The following SLC25A17 variants were observed in gnomAD, a reference collection of about 807,000 sequenced individuals.
SLC25A17 encodes peroxisomal membrane protein PMP34.
SLC25A17 carries 26 observed loss-of-function variants against 38.5 expected under a neutral mutation model. The observed-to-expected ratio is 0.68, with a 90% CI of 0.50 to 0.94. The LOEUF (loss-of-function observed/expected upper bound fraction) is 0.94. SLC25A17 is among the 40% of genes least tolerant of loss of function. The pLI is 0.00. For missense variants in SLC25A17, 333 were observed against 372.7 expected (o/e 0.89, Z 0.88); for synonymous variants, 139 against 136.2 (o/e 1.02, Z -0.14).
At chr22:40,811,156 C>T (rs2057577066) in intron 1 of SLC25A17, among the ~76,000 whole-genome samples, 1 of 151,922 alleles carries the variant, frequency 6.6e-6, no homozygotes, top group Non-Finnish European at 1.5e-5. Context: ...GTCTTGAATC[C>T]CTCTCTTTAT....
chr22:40,802,269 T>C (rs2057490774), intron 1 of SLC25A17, among the ~76,000 whole-genome samples: 1 of 152,200 alleles, frequency 6.6e-6, no homozygotes, highest in Non-Finnish European at 1.5e-5. Flanking sequence ...TCTGGATATC[T>C]TGAAGTGAAA....
At chr22:40,778,201 T>C (rs2057263864) in intron 5 of SLC25A17, among the ~76,000 whole-genome samples, 1 of 152,130 alleles carries the variant, frequency 6.6e-6, no homozygotes, top group South Asian at 2.1e-4. Flanking sequence ...AACACTAGAA[T>C]AAAAAAGTAT....
At chr22:40,798,841 G>A (rs2057454120) in intron 2 of SLC25A17, among the ~76,000 whole-genome samples, 182 bp downstream of exon 2, 1 of 151,610 alleles carries the variant, frequency 6.6e-6, no homozygotes, top group South Asian at 2.1e-4. Flanking sequence ...TACTTGGGAG[G>A]CGGAGGCAGG....
In SLC25A17 at chr22:40,770,821, A is replaced by G. The variant is rs763923899; in HGVS notation, c.*13T>C. On this transcript the variant is annotated 3_prime_UTR_variant, in exon 9 of 9. Coordinates refer to ENST00000435456, the MANE Select transcript of SLC25A17 (RefSeq NM_006358.4). Reference sequence around the variant, plus strand: ...CTCTTGAGCATCTTCGGAATTTTTCATGGGAAGGCGTCTCAGTGTTGGTGT... The same window carrying G: ...CTCTTGAGCATCTTCGGAATTTTTCGTGGGAAGGCGTCTCAGTGTTGGTGT... 2.5e-6 allele frequency: 4 copies of G among 1,586,648 alleles called. No homozygotes were observed. The highest frequency in any genetic ancestry group is 3.4e-6 in the Non-Finnish European group (4 of 1,162,730).
intron 4 of SLC25A17, among the ~76,000 whole-genome samples, chr22:40,782,768 A>C (rs2145658445): frequency 6.6e-6 from 1 of 152,374 alleles, no homozygotes; most frequent in African/African-American, 2.4e-5. Flanking sequence ...ATTTTGAACT[A>C]TCACAACAAT....
In SLC25A17 at chr22:40,789,602, G is replaced by A. The variant is rs1440802532; in HGVS notation, c.334+2923C>T. ...GCTCACTGCAACCTCTGCCTGCCAGGTTCAAACAATTCTCCTGCCTCAGTC... is the reference window on the plus strand; with the variant it reads ...GCTCACTGCAACCTCTGCCTGCCAGATTCAAACAATTCTCCTGCCTCAGTC... On this transcript the variant is annotated intron_variant, in intron 4 of 8. Transcript: ENST00000435456. This position sits in a 1 kb window ranked among gnomAD's most constrained non-coding sequence, Gnocchi z 4.5. 6.6e-6 allele frequency among the ~76,000 whole-genome samples: 1 copy of A among 151,882 alleles called. No individual in the cohort carries two copies. Among genetic ancestry groups the A allele is most frequent in the Admixed American group, 6.6e-5 (1 of 15,248 alleles).
intron 3 of SLC25A17, among the ~76,000 whole-genome samples, chr22:40,792,986 G>C (rs954382718): frequency 6.6e-6 from 1 of 151,778 alleles, no homozygotes; most frequent in African/African-American, 2.4e-5. Context: ...TTAGTTAATA[G>C]AGTACCATTC....
rs200166980 is a variant in SLC25A17 at position 40,804,475 on chromosome 22, T to TA, written c.55-5393dup. ...TGATTAGTGATGTTGAGCTTTTTTT[T>TA]AAGTATCTCTTGGCCAATTCTATGT... On this transcript the variant is annotated intron_variant, in intron 1 of 8. Coordinates refer to ENST00000435456, the MANE Select transcript of SLC25A17 (RefSeq NM_006358.4). 3.6e-3 allele frequency among the ~76,000 whole-genome samples: 544 copies of TA among 152,328 alleles called. 5 individuals carry two copies. Among genetic ancestry groups the TA allele is most frequent in the African/African-American group, 0.013 (523 of 41,570 alleles).
intron 4 of SLC25A17, among the ~76,000 whole-genome samples, chr22:40,782,168 C>T (rs560011491): frequency 6.1e-4 from 92 of 152,056 alleles, no homozygotes; most frequent in African/African-American, 2.1e-3. Flanking sequence ...TGCAGTGAGC[C>T]GAGATCGCAC....
chr22:40,808,497 G>A lies in SLC25A17; in HGVS notation c.55-9414C>T, dbSNP rs185415933. ...TTTTTTCAATGAAGACACACATGACGTTGAAATTTTCTTTTCCACTTATAA... is the reference window on the plus strand; with the variant it reads ...TTTTTTCAATGAAGACACACATGACATTGAAATTTTCTTTTCCACTTATAA... On this transcript the variant is annotated intron_variant, in intron 1 of 8. Transcript: ENST00000435456. Among the ~76,000 whole-genome samples, 101 of 152,316 alleles carry A rather than the reference G, an allele frequency of 6.6e-4. 2 individuals carry two copies. In the South Asian group the frequency reaches 0.013, roughly 19 times the overall value.
chr22:40,795,141 C>T (rs1016445194), intron 2 of SLC25A17, among the ~76,000 whole-genome samples: 1 of 152,164 alleles, frequency 6.6e-6, no homozygotes, highest in African/African-American at 2.4e-5. Flanking sequence ...CCTTTGAGCT[C>T]CCTAGGTTGC....
chr22:40,809,660 A>C lies in SLC25A17; in HGVS notation c.54+9535T>G, dbSNP rs76476256. On this transcript the variant is annotated intron_variant, in intron 1 of 8. Coordinates refer to ENST00000435456, the MANE Select transcript of SLC25A17 (RefSeq NM_006358.4). Reference sequence around the variant, plus strand: ...AAAAAACCAAAAAACAAAACCAAATATCTCAATGATTTCTCAGTTTTAATT... The same window carrying C: ...AAAAAACCAAAAAACAAAACCAAATCTCTCAATGATTTCTCAGTTTTAATT... Among the ~76,000 whole-genome samples the C allele has an allele frequency of 6.3e-3, 963 of 151,862 alleles. 11 individuals are homozygous for C. Among genetic ancestry groups the C allele is most frequent in the African/African-American group, 0.023 (941 of 41,440 alleles).
At chr22:40,804,926 T>C (rs1372680786) in intron 1 of SLC25A17, among the ~76,000 whole-genome samples, 1 of 149,596 alleles carries the variant, frequency 6.7e-6, no homozygotes, top group African/African-American at 2.5e-5. Context: ...CTGGGCAACA[T>C]AGCAAGACAC....
chr22:40,801,125 T>TTACA (rs1157169406), intron 1 of SLC25A17, among the ~76,000 whole-genome samples: 1 of 49,518 alleles, frequency 2.0e-5, no homozygotes, highest in East Asian at 6.4e-4. Context: ...AAAAAATATA[T>TTACA]TACATATATA....
chr22:40,777,275 TG>T lies in SLC25A17; in HGVS notation c.549del (p.Phe183LeufsTer7). On this transcript the variant is annotated frameshift_variant, in exon 6 of 9. Transcript: ENST00000435456. LOFTEE classifies it high-confidence loss of function. Reference sequence around the variant, plus strand: ...TGCCGTTTTAAACCTTCATAAAACATGAACTGGATGGCAGGATTGAAGACCA... The same window carrying T: ...TGCCGTTTTAAACCTTCATAAAACATAACTGGATGGCAGGATTGAAGACCA... The part of the protein sequence containing the change: ...LLLVFNPAIQ[F>X]MFYEGLKRQL... 1 of 1,614,210 alleles carries T rather than the reference TG, an allele frequency of 6.2e-7. No homozygotes were observed. Among genetic ancestry groups the T allele is most frequent in the Non-Finnish European group, 8.5e-7 (1 of 1,180,020 alleles).
chr22:40,814,754 A>AATATATATATAT lies in SLC25A17; in HGVS notation c.54+4429_54+4440dup, dbSNP rs10527651. Reference sequence around the variant, plus strand: ...GGATGAGGAAAGGCAGTACGTGCAGAATATATATATATATATATATATATA... The same window carrying AATATATATATAT: ...GGATGAGGAAAGGCAGTACGTGCAGAATATATATATATATATATATATATATATATATATATA... On this transcript the variant is annotated intron_variant, in intron 1 of 8. Coordinates refer to ENST00000435456, the MANE Select transcript of SLC25A17 (RefSeq NM_006358.4). Among the ~76,000 whole-genome samples, 311 of 135,094 alleles carry AATATATATATAT rather than the reference A, an allele frequency of 2.3e-3. 1 individual carries two copies. The highest frequency in any genetic ancestry group is 2.7e-3 in the Non-Finnish European group (173 of 63,522). 88.6% of individuals were successfully genotyped at this position (135,094 alleles called of 152,430 possible). A position where few individuals can be genotyped will look rare whatever the true frequency, so the allele number is the denominator to read the frequency against.
intron 4 of SLC25A17, among the ~76,000 whole-genome samples, chr22:40,790,947 AT>A (rs2057380196): frequency 6.6e-6 from 1 of 152,088 alleles, no homozygotes; most frequent in Admixed American, 6.6e-5. Flanking sequence ...AACTATTCTA[AT>A]TTTTTTCCCC....
chr22:40,793,187 T>C (rs573274862), intron 3 of SLC25A17, among the ~76,000 whole-genome samples: 5 of 152,118 alleles, frequency 3.3e-5, no homozygotes, highest in East Asian at 1.9e-4. Context: ...AAAATAGACA[T>C]TTCTGAGCCT....
rs10640211 is a variant in SLC25A17, at chr22:40,798,660, T to TAAAA, written c.115+359_115+362dup. Among the ~76,000 whole-genome samples, 585 of 73,980 alleles carry TAAAA rather than the reference T, an allele frequency of 7.9e-3. 14 individuals carry two copies. The highest frequency in any genetic ancestry group is 0.023 in the Middle Eastern group (2 of 86). The allele number at this position is 73,980 out of a possible 152,430, so 48.5% of individuals were successfully genotyped here. A position where few individuals can be genotyped will look rare whatever the true frequency, so the allele number is the denominator to read the frequency against. ...CTAGAAAAATAAAAGCACACATACA[T>TAAAA]AAAAAAAAAAAAAAAAAAAAAAAGA... On this transcript the variant is annotated intron_variant, in intron 2 of 8. Transcript: ENST00000435456.
Sources: allele counts gnomAD v4.1 joint callset (sites outside exome capture counted in the v4.1 genomes callset), GRCh38; gene constraint gnomAD v4.1.1; non-coding constraint Gnocchi (gnomAD v3.1); transcripts MANE v1.5; gene names NCBI Gene and HGNC (gene_info 2026-07-23, HGNC 2026-07-21).